MN1: variants seen among roughly 807,000 people sequenced by gnomAD.
MN1 encodes the protein transcriptional activator MN1.
A neutral mutation model predicts 86.9 loss-of-function variants in MN1; 19 were observed. The ratio of observed to expected loss-of-function variants is 0.22; its 90% CI spans 0.15 to 0.32. The LOEUF is 0.32. Among genes scored for constraint, MN1 ranks in the 10% least tolerant of loss-of-function variants. MN1 has a pLI of 1.00. For synonymous variants in MN1, 928 were observed against 849.6 expected (o/e 1.09, Z -1.60); for missense variants, 1,841 against 1,862.0 (o/e 0.99, Z 0.21).
In MN1 at chr22:27,757,428, G is replaced by A. The variant is rs770168185; in HGVS notation, c.3782-6332C>T. Among the ~76,000 whole-genome samples, 89 of 152,332 alleles carry A rather than the reference G, an allele frequency of 5.8e-4. 1 individual carries two copies. Among genetic ancestry groups the A allele is most frequent in the Non-Finnish European group, 3.2e-4 (22 of 68,034 alleles). ...GGGCAGTTTCTTCATCCCTGTGGGT[G>A]CTAGAAGCTGCCGAGGCTGGGGGTC... On this transcript the variant is annotated intron_variant, in intron 1 of 1. Transcript: ENST00000302326.
intron 1 of MN1, among the ~76,000 whole-genome samples, chr22:27,772,321 A>G (rs2146302190): frequency 6.6e-6 from 1 of 152,322 alleles, no homozygotes; most frequent in South Asian, 2.1e-4. Context: ...TAATTTTGTC[A>G]GGGATAATTA....
chr22:27,797,453 C>G lies in MN1; in HGVS notation c.3091G>C (p.Gly1031Arg). 1 of 1,604,160 alleles carries G rather than the reference C, an allele frequency of 6.2e-7. No homozygotes were observed. Among genetic ancestry groups the G allele is most frequent in the Non-Finnish European group, 8.5e-7 (1 of 1,175,494 alleles). ...GGCGAACTACTGTCCGACTTGGCCC[C>G]GCCGTCCAGGGACCCAATGAGGTCC... ...QPDLIGSLDG[G>R]AKSDSSSPNV... The change falls in exon 1 of 2, where the codon GGG becomes CGG. Residue 1031 changes from glycine to arginine, a missense_variant. Physicochemically the swap from Gly to Arg is moderately radical, Grantham distance 125. Coordinates refer to ENST00000302326, the MANE Select transcript of MN1 (RefSeq NM_002430.3).
chr22:27,788,019 C>T (rs934104966), intron 1 of MN1, among the ~76,000 whole-genome samples: 2 of 152,232 alleles, frequency 1.3e-5, no homozygotes, highest in Non-Finnish European at 2.9e-5. Context: ...ACCTTCTGTC[C>T]TTTGTGACGG....
chr22:27,770,010 C>T (rs2146300915), intron 1 of MN1, among the ~76,000 whole-genome samples: 1 of 152,268 alleles, frequency 6.6e-6, no homozygotes, highest in Non-Finnish European at 1.5e-5. Flanking sequence ...GTAAGACTCG[C>T]CCAAGGCCAC....
intron 1 of MN1, among the ~76,000 whole-genome samples, chr22:27,772,463 A>G (rs556174533): frequency 2.0e-4 from 30 of 152,322 alleles, no homozygotes; most frequent in African/African-American, 7.2e-4. Context: ...TTAACAGGCA[A>G]CAAGTGTGAC....
intron 1 of MN1, among the ~76,000 whole-genome samples, chr22:27,765,470 AAGCCGAATG>A (rs1932862447): frequency 6.6e-6 from 1 of 152,234 alleles, no homozygotes; most frequent in Non-Finnish European, 1.5e-5. Flanking sequence ...GGATTTTCTG[AAGCCGAATG>A]AGTCAGCCAC....
intron 1 of MN1, among the ~76,000 whole-genome samples, chr22:27,779,121 GCAGGGTGC>G (rs1249596774): frequency 6.6e-6 from 1 of 152,146 alleles, no homozygotes; most frequent in Non-Finnish European, 1.5e-5. Context: ...GCCAAAGGCA[GCAGGGTGC>G]CAGGGTGACC....
At chr22:27,786,660 G>A (rs908994846) in intron 1 of MN1, among the ~76,000 whole-genome samples, 1 of 152,144 alleles carries the variant, frequency 6.6e-6, no homozygotes, top group Non-Finnish European at 1.5e-5. Flanking sequence ...TTCTTTGGCC[G>A]TCTCCAAGGT....
At position 27,799,135 on chromosome 22, in the gene MN1, C is replaced by G; in HGVS notation, c.1409G>C (p.Cys470Ser). 1 of 1,605,334 alleles carries G rather than the reference C, an allele frequency of 6.2e-7. No homozygotes were observed. Among genetic ancestry groups the G allele is most frequent in the Non-Finnish European group, 8.5e-7 (1 of 1,173,788 alleles). The change falls in exon 1 of 2, where the codon TGC becomes TCC. Residue 470 changes from cysteine (C) to serine (S), a missense_variant. Cys to Ser is a moderately radical substitution (Grantham distance 112). Transcript: ENST00000302326. ...DFPGSAGVDR[C>S]ASWNGSMHNG... ...GTGCATGCTGCCGTTCCACGAAGCG[C>G]AGCGGTCCACTCCCGCGCTGCCCGG...
Position 27,750,795 on chromosome 22 carries a change from T to G in MN1, c.*120A>C, listed in dbSNP as rs1178179235. 2.6e-6 allele frequency: 2 copies of G among 780,820 alleles called. No individual in the cohort carries two copies. The highest frequency in any genetic ancestry group is 3.7e-6 in the Non-Finnish European group (2 of 534,250). 48.4% of individuals were successfully genotyped at this position (780,820 alleles called of 1,614,324 possible). A position where few individuals can be genotyped will look rare whatever the true frequency, so the allele number is the denominator to read the frequency against. On this transcript the variant is annotated 3_prime_UTR_variant, in exon 2 of 2. Transcript: ENST00000302326. ...ACCAACCTAGAGAAAAAAAAAAAACTCATCCACTCAGCAATAGTGGCCCTT... is the reference window on the plus strand; with the variant it reads ...ACCAACCTAGAGAAAAAAAAAAAACGCATCCACTCAGCAATAGTGGCCCTT...
chr22:27,793,760 T>A (rs906399435), intron 1 of MN1, among the ~76,000 whole-genome samples: 1 of 152,172 alleles, frequency 6.6e-6, no homozygotes, highest in Non-Finnish European at 1.5e-5. Context: ...CTCAAGCCCA[T>A]AAGACAATCT....
At chr22:27,756,787 G>A (rs1932804575) in intron 1 of MN1, among the ~76,000 whole-genome samples, 1 of 152,022 alleles carries the variant, frequency 6.6e-6, no homozygotes, top group African/African-American at 2.4e-5. Context: ...ATAGAGTCTC[G>A]CTCTGTCATC....
rs533758757 is a variant in MN1, at chr22:27,780,841, C to T, written c.3781+15922G>A. 3.2e-4 allele frequency among the ~76,000 whole-genome samples: 49 copies of T among 152,326 alleles called. 2 individuals carry two copies. The South Asian group carries it at 9.9e-3, about 31-fold the overall frequency. ...TGCATCCCACCACTTAGAACAGCAT[C>T]GCCATGTGGTTAAGTGCTTGGGAGT... On this transcript the variant is annotated intron_variant, in intron 1 of 1. Coordinates refer to ENST00000302326, the MANE Select transcript of MN1 (RefSeq NM_002430.3).
chr22:27,773,602 A>G (rs1437296760), intron 1 of MN1, among the ~76,000 whole-genome samples: 1 of 152,180 alleles, frequency 6.6e-6, no homozygotes, highest in African/African-American at 2.4e-5. Flanking sequence ...AGGCCATACA[A>G]CAAGAGAGGA....
At chr22:27,789,641 G>A (rs1933185001) in intron 1 of MN1, among the ~76,000 whole-genome samples, 1 of 152,118 alleles carries the variant, frequency 6.6e-6, no homozygotes, top group Non-Finnish European at 1.5e-5. Flanking sequence ...TCCCTTTTTG[G>A]ACAAGTCCAT....
At position 27,748,626 on chromosome 22, in the gene MN1, A is replaced by T. The variant is rs1932721220; in HGVS notation, c.*2289T>A. 9.5e-6 allele frequency: 2 copies of T among 210,516 alleles called. No individual in the cohort carries two copies. The highest frequency in any genetic ancestry group is 3.8e-4 in the South Asian group (2 of 5,314). The allele number at this position is 210,516 out of a possible 1,614,324, so 13.0% of individuals were successfully genotyped here. On this transcript the variant is annotated 3_prime_UTR_variant, in exon 2 of 2. Coordinates refer to ENST00000302326, the MANE Select transcript of MN1 (RefSeq NM_002430.3). ...AGTGTGTAGGGTGTGTTTTTCATTT[A>T]CTTTTATTCTTTCCATTAAACCAAA...
At chr22:27,763,131 A>G (rs994950222) in intron 1 of MN1, among the ~76,000 whole-genome samples, 62 of 152,252 alleles carry the variant, frequency 4.1e-4, no homozygotes, top group Non-Finnish European at 1.0e-4. Context: ...ACAAATATAC[A>G]TTCACATTTA....
chr22:27,795,514 T>TGG (rs201393409), intron 1 of MN1, among the ~76,000 whole-genome samples: 2 of 151,324 alleles, frequency 1.3e-5, no homozygotes, highest in Admixed American at 6.6e-5. Context: ...AGAATTGCAC[T>TGG]GGGGGGGGAC....
At position 27,798,690 on chromosome 22, in the gene MN1, G is replaced by A. The variant is rs529726950; in HGVS notation, c.1854C>T (p.Phe618=). The change falls in exon 1 of 2, where the codon TTC becomes TTT. Residue 618 remains phenylalanine (F), a synonymous_variant. Transcript: ENST00000302326. ...GSTGAGRLGT[F]EQQAPHLAQE... is the part of the protein sequence containing the mutation. ...GCGCCAAGTGCGGCGCCTGCTGCTCGAAGGTGCCCAGACGCCCGGCGCCCG... is the reference window on the plus strand; with the variant it reads ...GCGCCAAGTGCGGCGCCTGCTGCTCAAAGGTGCCCAGACGCCCGGCGCCCG... The A allele has an allele frequency of 1.3e-6, 2 of 1,539,150 alleles. No homozygotes were observed. Among genetic ancestry groups the A allele is most frequent in the Non-Finnish European group, 1.7e-6 (2 of 1,149,892 alleles).
Sources: gnomAD v4.1 joint callset for allele counts (sites outside exome capture counted in the v4.1 genomes callset) on GRCh38, gnomAD v4.1.1 for gene constraint, MANE v1.5 for transcripts, NCBI Gene and HGNC (gene_info 2026-07-23, HGNC 2026-07-21) for gene names.